CYP3A43: variants seen among roughly 807,000 people sequenced by gnomAD.
CYP3A43 encodes the protein cytochrome P450 family 3 subfamily A member 43, also known as cytochrome P450 3A43.
Under a neutral mutation model 58.0 loss-of-function variants are expected in CYP3A43, and 45 were observed. The observed-to-expected ratio is 0.78, with a 90% confidence interval of 0.61 to 0.99. CYP3A43 has a LOEUF of 0.99. Among genes scored for constraint, CYP3A43 ranks in the 50% least tolerant of loss-of-function variants. The probability of loss-of-function intolerance (pLI) is 0.00; values close to 1 mark genes in which losing one functional copy is unlikely to be tolerated. For missense variants in CYP3A43, 593 were observed against 591.9 expected (o/e 1.00, Z -0.02); for synonymous variants, 191 against 201.4 (o/e 0.95, Z 0.44).
At chr7:99,849,066 G>A (rs535580442) in intron 6 of CYP3A43, among the ~76,000 whole-genome samples, 5 of 152,362 alleles carry the variant, frequency 3.3e-5, no homozygotes, top group South Asian at 4.1e-4. Context: ...GAGACATGAC[G>A]TTCACAGCAA....
chr7:99,840,143 A>G (rs746736329), intron 3 of CYP3A43, among the ~76,000 whole-genome samples: 14 of 152,208 alleles, frequency 9.2e-5, no homozygotes, highest in Non-Finnish European at 1.9e-4. Flanking sequence ...TAGAAAAGAA[A>G]TGATTTGGGG....
At chr7:99,845,388 T>C (rs193147107) in intron 4 of CYP3A43, among the ~76,000 whole-genome samples, 105 of 152,200 alleles carry the variant, frequency 6.9e-4, no homozygotes, top group East Asian at 3.9e-4. Context: ...AGTGGCGCGA[T>C]CTCAGTTCAC....
chr7:99,839,245 C>T (rs927121951), intron 3 of CYP3A43, 73 bp downstream of exon 3: 15 of 1,569,172 alleles, frequency 9.6e-6, no homozygotes, highest in African/African-American at 1.4e-5. Flanking sequence ...AGAGAACAAT[C>T]TCAGCCCAGA....
At chr7:99,858,407 T>C (rs1818079793) in intron 9 of CYP3A43, among the ~76,000 whole-genome samples, 1 of 152,106 alleles carries the variant, frequency 6.6e-6, no homozygotes. Context: ...AAGTTCTTAA[T>C]CCAGTCCTGA....
chr7:99,863,710 T>G lies in CYP3A43; in HGVS notation c.1416+11T>G. On this transcript the variant is annotated intron_variant, in intron 12 of 12. Transcript: ENST00000354829. ...TGTAAAGAGACTCAGGTCAGTAAAC[T>G]TTCTTATAAATAATGTTTATTGGGA... 6.4e-7 allele frequency: 1 copy of G among 1,551,658 alleles called. No individual in the cohort carries two copies. The highest frequency in any genetic ancestry group is 8.7e-7 in the Non-Finnish European group (1 of 1,149,440).
Position 99,859,815 on chromosome 7 carries a change from T to C in CYP3A43, c.866-15T>C. ...ACTAACCACTTTTCCTAAAATATAT[T>C]TCCTCTCCTTTCAGCTCTGTCTGAT... is the stretch of plus-strand genomic sequence containing the variant. On this transcript the variant is annotated splice_polypyrimidine_tract_variant and intron_variant, in intron 9 of 12. Coordinates refer to ENST00000354829, the MANE Select transcript of CYP3A43 (RefSeq NM_057095.3). 1 of 1,614,062 alleles carries C rather than the reference T, an allele frequency of 6.2e-7. No homozygotes were observed. Among genetic ancestry groups the C allele is most frequent in the South Asian group, 1.1e-5 (1 of 91,066 alleles).
At chr7:99,848,667 C>T (rs528422544) in intron 6 of CYP3A43, among the ~76,000 whole-genome samples, 145 of 152,246 alleles carry the variant, frequency 9.5e-4, no homozygotes, top group African/African-American at 3.1e-3. Flanking sequence ...GGAATAACTT[C>T]AATCCCTTCA....
At chr7:99,850,919 A>G (rs1245569298) in intron 7 of CYP3A43, among the ~76,000 whole-genome samples, 2 of 151,900 alleles carry the variant, frequency 1.3e-5, no homozygotes, top group African/African-American at 4.8e-5. Flanking sequence ...CTGTAATCCC[A>G]GCACTTTGGG....
At chr7:99,834,434 T>C (rs918554386) in intron 1 of CYP3A43, among the ~76,000 whole-genome samples, 1 of 152,208 alleles carries the variant, frequency 6.6e-6, no homozygotes, top group Non-Finnish European at 1.5e-5. Context: ...CATCATAAAC[T>C]GGATATCCTA....
chr7:99,841,498 A>G (rs1040339019), intron 3 of CYP3A43, among the ~76,000 whole-genome samples: 13 of 152,262 alleles, frequency 8.5e-5, no homozygotes, highest in Admixed American at 7.8e-4. Flanking sequence ...CCCAGGGTCA[A>G]GCAATTCCCC....
intron 10 of CYP3A43, 76 bp downstream of exon 10, chr7:99,860,066 A>G: frequency 1.3e-6 from 2 of 1,513,270 alleles, no homozygotes; most frequent in African/African-American, 1.4e-5. Context: ...ACTTGCCAGG[A>G]CAATTTTTGC....
At chr7:99,859,638 G>A (rs1484391918) in intron 9 of CYP3A43, among the ~76,000 whole-genome samples, 192 bp from the exon 10 acceptor site, 2 of 152,082 alleles carry the variant, frequency 1.3e-5, no homozygotes, top group East Asian at 3.9e-4. Flanking sequence ...AAAAAAACTG[G>A]ATTAAAGTGA....
chr7:99,848,304 G>A (rs2151608003), intron 6 of CYP3A43, 50 bp downstream of exon 6: 1 of 1,562,590 alleles, frequency 6.4e-7, no homozygotes, highest in African/African-American at 1.4e-5. Flanking sequence ...CCCTCCAGCT[G>A]CCTGCAGTGG....
chr7:99,864,714 A>G (rs1416815887), intron 12 of CYP3A43, among the ~76,000 whole-genome samples: 1 of 148,764 alleles, frequency 6.7e-6, no homozygotes, highest in East Asian at 1.9e-4. Flanking sequence ...CATTCCACAC[A>G]TGTTTAAGGA....
chr7:99,863,083 C>T (rs1188407847), intron 11 of CYP3A43, among the ~76,000 whole-genome samples: 1 of 152,124 alleles, frequency 6.6e-6, no homozygotes, highest in African/African-American at 2.4e-5. Context: ...TCTATAGACA[C>T]CAGGCTATAG....
Position 99,828,160 on chromosome 7 carries a change from G to A in CYP3A43, c.45G>A (p.Val15=). Residue 15 remains valine, a synonymous_variant, in exon 1 of 13, where the codon GTG becomes GTA. Transcript: ENST00000354829. ...PNFAMETWVL[V]ATSLVLLYIY... The stretch of plus-strand genomic sequence containing the variant: ...TTGCCATGGAAACATGGGTTCTTGT[G>A]GCTACCAGCCTGGTACTCCTCTATA... The A allele has an allele frequency of 6.2e-7, 1 of 1,612,668 alleles. No individual in the cohort carries two copies. Among genetic ancestry groups the A allele is most frequent in the Non-Finnish European group, 8.5e-7 (1 of 1,179,144 alleles).
At chr7:99,832,471 A>T (rs1036052381) in intron 1 of CYP3A43, among the ~76,000 whole-genome samples, 2 of 142,846 alleles carry the variant, frequency 1.4e-5, no homozygotes. Flanking sequence ...GTTCTCACTC[A>T]TAGGTGGGAA....
chr7:99,830,332 A>G (rs975206184), intron 1 of CYP3A43, among the ~76,000 whole-genome samples: 1 of 152,174 alleles, frequency 6.6e-6, no homozygotes, highest in African/African-American at 2.4e-5. Context: ...AGCCTGGTCA[A>G]CATGATGAAA....
chr7:99,833,235 T>A (rs538385880), intron 1 of CYP3A43, among the ~76,000 whole-genome samples: 44 of 152,238 alleles, frequency 2.9e-4, no homozygotes, highest in African/African-American at 1.0e-3. Context: ...TATTTATTAA[T>A]TATTTAGGTG....
Sources: allele counts gnomAD v4.1 joint callset (sites outside exome capture counted in the v4.1 genomes callset), GRCh38; gene constraint gnomAD v4.1.1; transcripts MANE v1.5; gene names NCBI Gene and HGNC (gene_info 2026-07-23, HGNC 2026-07-21).